The following CBLN2 variants were observed in gnomAD, a reference collection of about 807,000 sequenced individuals.
The protein encoded by CBLN2 is cerebellin-2.
In CBLN2, 7 loss-of-function variants were observed where a neutral mutation model predicts 15.0. The observed-to-expected ratio is 0.47, with a 90% confidence interval of 0.27 to 0.88. The LOEUF is 0.88. Among genes scored for constraint, CBLN2 ranks in the 40% least tolerant of loss-of-function variants. The probability of loss-of-function intolerance (pLI) is 0.14; values close to 1 mark genes in which losing one functional copy is unlikely to be tolerated. For synonymous variants in CBLN2, 149 were observed against 135.2 expected (o/e 1.10, Z -0.71); for missense variants, 242 against 304.5 (o/e 0.79, Z 1.53).
intron 1 of CBLN2, among the ~76,000 whole-genome samples, chr18:72,632,919 T>C (rs1303971062): frequency 6.6e-6 from 1 of 152,184 alleles, no homozygotes; most frequent in Non-Finnish European, 1.5e-5. Flanking sequence ...TGGTAATTAG[T>C]ACAGTGCTTG....
In CBLN2 at chr18:72,538,637, T is replaced by A. The variant is rs1271499551; in HGVS notation, c.477+16A>T. The A allele has an allele frequency of 6.2e-7, 1 of 1,613,316 alleles. No individual in the cohort carries two copies. The highest frequency in any genetic ancestry group is 8.5e-7 in the Non-Finnish European group (1 of 1,179,646). On this transcript the variant is annotated intron_variant, in intron 4 of 4. Coordinates refer to ENST00000269503, the MANE Select transcript of CBLN2 (RefSeq NM_182511.4). Reference sequence around the variant, plus strand: ...TTAACTCAAACCTGAAAGGATCCAGTTTCAAATCTACCCACCTGGATGGTT... The same window carrying A: ...TTAACTCAAACCTGAAAGGATCCAGATTCAAATCTACCCACCTGGATGGTT...
At chr18:72,602,407 T>C (rs976379412) in intron 1 of CBLN2, among the ~76,000 whole-genome samples, 10 of 152,162 alleles carry the variant, frequency 6.6e-5, no homozygotes, top group Admixed American at 6.5e-4. Context: ...TTCACTTTGT[T>C]TCAACAGTTT....
upstream of CBLN2, chr18:72,544,519 C>G (rs916355428): frequency 2.6e-5 from 4 of 152,212 alleles, no homozygotes; most frequent in African/African-American, 9.6e-5. Context: ...GGCTGCGGAC[C>G]GGCGGACTCC....
intron 1 of CBLN2, among the ~76,000 whole-genome samples, chr18:72,635,396 TAAC>T (rs1222802367): frequency 2.6e-5 from 4 of 152,174 alleles, no homozygotes; most frequent in Admixed American, 6.5e-5. Context: ...AGGCTAGAGT[TAAC>T]AAGCACAAGA....
chr18:72,560,268 T>C (rs971201330), intron 1 of CBLN2, among the ~76,000 whole-genome samples: 1 of 152,176 alleles, frequency 6.6e-6, no homozygotes, highest in Non-Finnish European at 1.5e-5. Flanking sequence ...ACAGAGATCA[T>C]CTGTGCACGT....
At chr18:72,602,266 A>G (rs2069553830) in intron 1 of CBLN2, among the ~76,000 whole-genome samples, 1 of 152,206 alleles carries the variant, frequency 6.6e-6, no homozygotes, top group Admixed American at 6.5e-5. Flanking sequence ...GGCCACTGCA[A>G]TAAGGGAGGG....
At chr18:72,624,021 A>T (rs2069717882) in intron 1 of CBLN2, among the ~76,000 whole-genome samples, 1 of 152,146 alleles carries the variant, frequency 6.6e-6, no homozygotes, top group African/African-American at 2.4e-5. Context: ...TTTTAGAAAC[A>T]TCCTCAACAA....
In CBLN2 at chr18:72,550,093, C is replaced by G. The variant is rs534099510; in HGVS notation, c.16-11321G>C. ...TCAACATATTCTTCTTTATATGAAA[C>G]TTGGGCTTTTCTTACTCACTGCCAG... is the stretch of plus-strand genomic sequence containing the variant. On this transcript the variant is annotated intron_variant, in intron 1 of 2. Coordinates refer to the CBLN2 transcript ENST00000581073. Among the ~76,000 whole-genome samples the G allele has an allele frequency of 1.8e-3, 270 of 152,270 alleles. 3 individuals are homozygous for G. Among genetic ancestry groups the G allele is most frequent in the African/African-American group, 6.3e-3 (263 of 41,552 alleles).
intron 1 of CBLN2, among the ~76,000 whole-genome samples, chr18:72,560,995 C>T (rs868357162): frequency 3.4e-4 from 51 of 151,558 alleles, no homozygotes; most frequent in African/African-American, 1.1e-3. Flanking sequence ...GGTGACAGAG[C>T]GAGACTCCGT....
At chr18:72,626,580 A>T (rs570906273) in intron 1 of CBLN2, among the ~76,000 whole-genome samples, 22 of 152,186 alleles carry the variant, frequency 1.4e-4, no homozygotes, top group African/African-American at 4.8e-4. Context: ...GGCGCCTGTA[A>T]TCCCAGCTAC....
At chr18:72,560,840 C>T (rs1731138572) in intron 1 of CBLN2, among the ~76,000 whole-genome samples, 2 of 151,990 alleles carry the variant, frequency 1.3e-5, no homozygotes, top group South Asian at 4.1e-4. Context: ...AACCCTGTCT[C>T]TACTAAAAAA....
intron 1 of CBLN2, among the ~76,000 whole-genome samples, chr18:72,627,521 C>A (rs2069748200): frequency 6.6e-6 from 1 of 152,160 alleles, no homozygotes; most frequent in African/African-American, 2.4e-5. Context: ...CTGTTTATTG[C>A]TTTGAATACT....
chr18:72,577,049 T>C lies in CBLN2; in HGVS notation c.16-38277A>G, dbSNP rs919028151. 2.0e-5 allele frequency among the ~76,000 whole-genome samples: 3 copies of C among 147,954 alleles called. No individual in the cohort carries two copies. In the East Asian group the frequency reaches 5.8e-4, roughly 29 times the overall value. On this transcript the variant is annotated intron_variant, in intron 1 of 2. Coordinates refer to the CBLN2 transcript ENST00000581073. ...ATATATAATGTATAAATTATATATA[T>C]ATAAATGTGAATATTTAGAATTATA...
upstream of CBLN2, among the ~76,000 whole-genome samples, chr18:72,545,763 A>G (rs577118238): frequency 1.1e-4 from 16 of 152,324 alleles, no homozygotes; most frequent in African/African-American, 3.8e-4. Flanking sequence ...GGGGATGCTA[A>G]TTTATAGCAA....
intron 1 of CBLN2, among the ~76,000 whole-genome samples, chr18:72,573,301 C>T (rs1004843497): frequency 6.6e-6 from 1 of 152,134 alleles, no homozygotes; most frequent in Non-Finnish European, 1.5e-5. Context: ...GTATCTATCA[C>T]AACTGAAATG....
chr18:72,629,470 AT>A (rs1186825321), intron 1 of CBLN2, among the ~76,000 whole-genome samples: 2 of 152,176 alleles, frequency 1.3e-5, no homozygotes, highest in African/African-American at 4.8e-5. Flanking sequence ...ATTAAAAAAA[AT>A]AAAAATAAAA....
At chr18:72,546,829 T>C (rs1037376992), upstream of CBLN2, among the ~76,000 whole-genome samples, 1 of 152,158 alleles carries the variant, frequency 6.6e-6, no homozygotes, top group Non-Finnish European at 1.5e-5. Flanking sequence ...GCTGGGATAA[T>C]TCAAGTACCC....
At chr18:72,603,054 C>CAAGG in intron 1 of CBLN2, among the ~76,000 whole-genome samples, 1 of 152,244 alleles carries the variant, frequency 6.6e-6, no homozygotes, top group South Asian at 2.1e-4. Flanking sequence ...AGCTGGTCTT[C>CAAGG]AAGGCTCACT....
intron 1 of CBLN2, among the ~76,000 whole-genome samples, chr18:72,563,958 G>A (rs1029250487): frequency 2.7e-4 from 41 of 152,142 alleles, no homozygotes; most frequent in Admixed American, 2.0e-3. Context: ...ATTCTATGAC[G>A]TTCTAAAGAA....
Sources: allele counts gnomAD v4.1 joint callset (sites outside exome capture counted in the v4.1 genomes callset), GRCh38; gene constraint gnomAD v4.1.1; transcripts MANE v1.5; gene names NCBI Gene and HGNC (gene_info 2026-07-23, HGNC 2026-07-21).